EP400: variants seen among roughly 807,000 people sequenced by gnomAD.
EP400 encodes E1A-binding protein p400.
Under a neutral mutation model 354.1 loss-of-function variants are expected in EP400, and 105 were observed. That is an observed-to-expected ratio of 0.30 (90% CI 0.25 to 0.35). EP400 has a LOEUF of 0.35. Ranked by LOEUF, EP400 falls within the 10% of genes least tolerant of loss-of-function variation. The pLI is 1.00. For synonymous variants in EP400, 1,646 were observed against 1,716.9 expected (o/e 0.96, Z 1.02); for missense variants, 3,280 against 4,121.0 (o/e 0.80, Z 5.59).
chr12:132,028,276 A>G lies in EP400; in HGVS notation c.5369A>G (p.Asp1790Gly). ...TGTCGGTGTGGAGAGTCTCTGCAGG[A>G]TGTTATTGACAGGTACTGCAGACCT... Reference protein sequence around the residue: ...TLCRCGESLQDVIDRVAFVIP... With the variant: ...TLCRCGESLQGVIDRVAFVIP... The change falls in exon 27 of 53, where the codon GAT (aspartate) becomes GGT (glycine). Residue 1790 changes from aspartate (D) to glycine (G), a missense_variant. By Grantham distance (94) the Asp-to-Gly change is moderately conservative. Around this residue, in one of 20 missense-constraint regions of EP400, gnomAD observed 459 missense variants for 496.9 expected, o/e 0.92. Transcript: ENST00000389561. 3 of 1,613,726 alleles carry G rather than the reference A, an allele frequency of 1.9e-6. No homozygotes were observed. Among genetic ancestry groups the G allele is most frequent in the Non-Finnish European group, 1.7e-6 (2 of 1,179,650 alleles).
intron 32 of EP400, among the ~76,000 whole-genome samples, chr12:132,040,753 C>T (rs1427003349): frequency 6.6e-6 from 1 of 152,184 alleles, no homozygotes; most frequent in Non-Finnish European, 1.5e-5. Flanking sequence ...GTCACCACAG[C>T]AGACAGGTTA....
At chr12:131,965,642 G>T (rs1264838580) in intron 2 of EP400, among the ~76,000 whole-genome samples, 1 of 151,972 alleles carries the variant, frequency 6.6e-6, no homozygotes, top group Non-Finnish European at 1.5e-5. Flanking sequence ...AACCCTTCAC[G>T]CCTCCCTTGA....
rs1555223305 is a variant in EP400 at position 132,062,545 on chromosome 12, A to AG, written c.8178_8179insG (p.Gln2727AlafsTer256). On this transcript the variant is annotated frameshift_variant, in exon 47 of 53. Coordinates refer to ENST00000389561, the MANE Select transcript of EP400 (RefSeq NM_015409.5). LOFTEE classifies it high-confidence loss of function. ...TCAGGCAGCAGCAGCAGCAGCAGCAACAACAGCAGCAGCAGCAGCAGCAGC... is the reference window on the plus strand; with the variant it reads ...TCAGGCAGCAGCAGCAGCAGCAGCAAGCAACAGCAGCAGCAGCAGCAGCAGC... The AG allele has an allele frequency of 2.2e-4, 283 of 1,299,670 alleles. 1 individual carries two copies. The highest frequency in any genetic ancestry group is 1.5e-3 in the African/African-American group (67 of 43,630). 80.5% of individuals were successfully genotyped at this position (1,299,670 alleles called of 1,614,324 possible).
intron 12 of EP400, among the ~76,000 whole-genome samples, chr12:132,000,229 C>G (rs1451966036): frequency 6.6e-6 from 1 of 151,466 alleles, no homozygotes; most frequent in Non-Finnish European, 1.5e-5. Context: ...TTTTATTGAC[C>G]CATGAGTTAT....
intron 2 of EP400, among the ~76,000 whole-genome samples, chr12:131,974,936 G>A (rs1892418076): frequency 1.4e-5 from 2 of 142,758 alleles, no homozygotes; most frequent in South Asian, 4.4e-4. Context: ...GTTGCATTGA[G>A]CAGGGCTTGT....
intron 37 of EP400, 118 bp downstream of exon 37, chr12:132,045,071 C>G: frequency 6.9e-7 from 1 of 1,444,684 alleles, no homozygotes; most frequent in Non-Finnish European, 9.3e-7. Flanking sequence ...GCAGGGCTAG[C>G]GATCACACGC....
Position 131,960,707 on chromosome 12 carries a change from G to GGGGGCCCC in EP400, c.88_89insGGGGCCCC (p.Ala30GlyfsTer35). On this transcript the variant is annotated frameshift_variant, in exon 2 of 53. Transcript: ENST00000389561. LOFTEE classifies it high-confidence loss of function. ...TGGCAGCGAGGGTGAGGAGCAGCCG[G>GGGGGCCCC]CCCACCCCAACCCACCCCCGTCCCC... 1.9e-6 allele frequency: 3 copies of GGGGGCCCC among 1,545,576 alleles called. No homozygotes were observed. Among genetic ancestry groups the GGGGGCCCC allele is most frequent in the Non-Finnish European group, 2.6e-6 (3 of 1,146,232 alleles).
At chr12:131,958,110 C>G (rs536297894) in intron 1 of EP400, among the ~76,000 whole-genome samples, 4 of 152,274 alleles carry the variant, frequency 2.6e-5, no homozygotes, top group African/African-American at 9.6e-5. Flanking sequence ...GAAATAATCC[C>G]GAATATACTC....
intron 37 of EP400, 91 bp downstream of exon 37, chr12:132,045,044 C>A: frequency 6.6e-7 from 1 of 1,522,534 alleles, no homozygotes; most frequent in Non-Finnish European, 8.8e-7. Flanking sequence ...TGCCTGTCTG[C>A]TGTCTGCCTG....
chr12:132,069,407 C>A, intron 50 of EP400, 88 bp from the exon 51 acceptor site: 1 of 1,544,238 alleles, frequency 6.5e-7, no homozygotes, highest in South Asian at 1.2e-5. Flanking sequence ...GGGCTGGGTT[C>A]TGCCATAGGG....
rs1178351476 is a variant in EP400 at position 132,011,501 on chromosome 12, A to G, written c.3308A>G (p.Asn1103Ser). 3.7e-6 allele frequency: 6 copies of G among 1,611,902 alleles called. No homozygotes were observed. Among genetic ancestry groups the G allele is most frequent in the Non-Finnish European group, 5.1e-6 (6 of 1,179,470 alleles). The change falls in exon 16 of 53, where the codon AAT becomes AGT. Residue 1103 changes from asparagine (N) to serine (S), a missense_variant. Asn to Ser is a conservative substitution (Grantham distance 46). This residue lies in a region of EP400 where 242 missense variants were observed against 357.9 expected (regional missense o/e 0.68). Transcript: ENST00000389561. The part of the protein sequence containing the change: ...FFAHLACNEG[N>S]WGPHLVVVRS... ...AATTCTGTTTTTTGCTTTGTAGGTA[A>G]TTGGGGCCCCCATCTTGTTGTTGTG...
At chr12:132,019,156 C>T (rs1172588960) in intron 21 of EP400, among the ~76,000 whole-genome samples, 1 of 152,188 alleles carries the variant, frequency 6.6e-6, no homozygotes, top group Non-Finnish European at 1.5e-5. Context: ...GAACAGCACC[C>T]ATTCCAGTGG....
chr12:132,060,927 A>C (rs1158265467), intron 45 of EP400, among the ~76,000 whole-genome samples: 4 of 151,896 alleles, frequency 2.6e-5, no homozygotes, highest in African/African-American at 7.3e-5. Context: ...AAAAAAAAAA[A>C]AACAAAAAAC....
intron 2 of EP400, among the ~76,000 whole-genome samples, chr12:131,975,563 TC>T (rs1443260632): frequency 6.6e-6 from 1 of 152,056 alleles, no homozygotes; most frequent in East Asian, 1.9e-4. Context: ...AATTTTTTTT[TC>T]TTTTTCTTTT....
rs376457638 is a variant in EP400 at position 132,037,842 on chromosome 12, C to T, written c.6063+49C>T. 58 of 1,609,804 alleles carry T rather than the reference C, an allele frequency of 3.6e-5. No individual in the cohort carries two copies. The African/African-American group carries it at 3.6e-4, about 10-fold the overall frequency. ...CTGAGGTGAGACCCGCCATGCGGCG[C>T]GTGGAATCGCATGGTGTTAGTGCAC... On this transcript the variant is annotated intron_variant, in intron 31 of 52. Coordinates refer to ENST00000389561, the MANE Select transcript of EP400 (RefSeq NM_015409.5).
chr12:132,016,821 T>G (rs1287735595), intron 19 of EP400, among the ~76,000 whole-genome samples: 1 of 152,194 alleles, frequency 6.6e-6, no homozygotes, highest in Non-Finnish European at 1.5e-5. Flanking sequence ...TGTTTTAGGG[T>G]GTGCGCCACC....
intron 15 of EP400, among the ~76,000 whole-genome samples, chr12:132,010,175 C>T (rs1893720164): frequency 1.3e-5 from 2 of 150,882 alleles, no homozygotes; most frequent in African/African-American, 4.9e-5. Flanking sequence ...GCAACCTCTG[C>T]CTCCGGGTTC....
rs1160733775 is a variant in EP400, at chr12:132,018,446, G to A, written c.4277+70G>A. On this transcript the variant is annotated intron_variant, in intron 21 of 52. Transcript: ENST00000389561. This position sits in a 1 kb window ranked among gnomAD's most constrained non-coding sequence, Gnocchi z 4.0. ...CCCCACAGCTGACCCAGGTCTATGC[G>A]TGGTGAAAAGAAAGGCTGCTAATGT... 7.2e-6 allele frequency: 11 copies of A among 1,527,508 alleles called. No homozygotes were observed. Among genetic ancestry groups the A allele is most frequent in the East Asian group, 2.3e-5 (1 of 44,200 alleles). The allele number at this position is 1,527,508 out of a possible 1,614,324, so 94.6% of individuals were successfully genotyped here.
rs762341711 is a variant in EP400 at position 132,062,550 on chromosome 12, AGC to A, written c.8184_8185del (p.Gln2729AlafsTer253). The A allele has an allele frequency of 3.5e-4, 376 of 1,064,800 alleles. No homozygotes were observed. The African/African-American group carries it at 3.6e-3, about 10-fold the overall frequency. 66.0% of individuals were successfully genotyped at this position (1,064,800 alleles called of 1,614,324 possible). A position where few individuals can be genotyped will look rare whatever the true frequency, so the allele number is the denominator to read the frequency against. ...CAGCAGCAGCAGCAGCAGCAACAAC[AGC>A]AGCAGCAGCAGCAGCAGCAGCAGCA... On this transcript the variant is annotated frameshift_variant, in exon 47 of 53. Coordinates refer to ENST00000389561, the MANE Select transcript of EP400 (RefSeq NM_015409.5). LOFTEE classifies it high-confidence loss of function.
Sources: gnomAD v4.1 joint callset for allele counts (sites outside exome capture counted in the v4.1 genomes callset) on GRCh38, gnomAD v4.1.1 for gene constraint, gnomAD v4.1.1 regional missense constraint, Gnocchi (gnomAD v3.1) non-coding constraint, MANE v1.5 for transcripts, NCBI Gene and HGNC (gene_info 2026-07-23, HGNC 2026-07-21) for gene names.